RANBP2: variants seen among roughly 807,000 people sequenced by gnomAD.
The protein encoded by RANBP2 is RAN binding protein 2.
A neutral mutation model predicts 303.6 loss-of-function variants in RANBP2; 57 were observed. That is an observed-to-expected ratio of 0.19 (90% confidence interval 0.15 to 0.23). The LOEUF (loss-of-function observed/expected upper bound fraction) is 0.23, where lower values mean the gene tolerates loss of function less well. Ranked by LOEUF, RANBP2 falls within the 10% of genes least tolerant of loss-of-function variation. RANBP2 has a pLI of 1.00. For missense variants in RANBP2, 3,138 were observed against 3,780.8 expected (o/e 0.83, Z 4.46); for synonymous variants, 1,167 against 1,301.5 (o/e 0.90, Z 2.23).
the RANBP2 span, chr2:109,449,627 C>A: frequency 3.4e-6 from 4 of 1,169,960 alleles, no homozygotes; most frequent in Non-Finnish European, 4.7e-6. Context: ...ATGAACCAGG[C>A]GTGTGACAGA....
chr2:109,069,761 A>G, the RANBP2 span, among the ~76,000 whole-genome samples: 1 of 152,034 alleles, frequency 6.6e-6, no homozygotes, highest in Non-Finnish European at 1.5e-5. Context: ...TGGAGTCATT[A>G]CTCTTTCCCT....
the RANBP2 span, among the ~76,000 whole-genome samples, chr2:109,600,992 G>A: frequency 3.3e-5 from 5 of 152,248 alleles, no homozygotes; most frequent in Non-Finnish European, 7.4e-5. Flanking sequence ...TGTCCCCATG[G>A]AGGAGGGTAT....
the RANBP2 span, among the ~76,000 whole-genome samples, chr2:109,325,119 A>G: frequency 6.6e-6 from 1 of 152,066 alleles, no homozygotes; most frequent in African/African-American, 2.4e-5. Context: ...GAGGTCAGGG[A>G]GGGGTCCCTT....
At chr2:109,286,082 C>T in the RANBP2 span, among the ~76,000 whole-genome samples, 1 of 152,176 alleles carries the variant, frequency 6.6e-6, no homozygotes, top group Admixed American at 6.5e-5. Context: ...CATTCAGGTG[C>T]CTATCATTAC....
the RANBP2 span, among the ~76,000 whole-genome samples, chr2:109,623,051 C>T: frequency 6.6e-6 from 1 of 152,170 alleles, no homozygotes; most frequent in Non-Finnish European, 1.5e-5. Context: ...CACTTGAACC[C>T]AGGAGGCAGA....
the RANBP2 span, chr2:108,794,389 T>G: frequency 1.5e-6 from 1 of 687,404 alleles, no homozygotes; most frequent in African/African-American, 1.8e-5. Context: ...TGTTACCACT[T>G]TACCATATTT....
At chr2:109,660,484 A>G in the RANBP2 span, among the ~76,000 whole-genome samples, 4 of 152,148 alleles carry the variant, frequency 2.6e-5, no homozygotes, top group African/African-American at 9.7e-5. Flanking sequence ...GTTTTGTCCA[A>G]TTTGCTCAAA....
the RANBP2 span, among the ~76,000 whole-genome samples, chr2:108,851,675 C>G: frequency 6.6e-6 from 1 of 152,130 alleles, no homozygotes; most frequent in Non-Finnish European, 1.5e-5. Context: ...TGGACTCTCT[C>G]TGGGGAGGAT....
intron 24 of RANBP2, among the ~76,000 whole-genome samples, chr2:108,776,460 G>A (rs1160720916): frequency 2.0e-5 from 3 of 152,082 alleles, no homozygotes; most frequent in African/African-American, 7.2e-5. Context: ...TTTTGGGGAT[G>A]GAAGTGGGAA....
the RANBP2 span, among the ~76,000 whole-genome samples, chr2:109,217,305 G>GA: frequency 0.018 from 2,810 of 152,284 alleles, 105 homozygotes; most frequent in African/African-American, 0.063. Flanking sequence ...AGAGTCCTTG[G>GA]AGAACCTTGG....
the RANBP2 span, among the ~76,000 whole-genome samples, chr2:109,160,138 G>A: frequency 6.6e-6 from 1 of 152,104 alleles, no homozygotes; most frequent in East Asian, 1.9e-4. Context: ...GTCAGACCTG[G>A]GCCAGGATCT....
At chr2:109,351,414 C>G in the RANBP2 span, among the ~76,000 whole-genome samples, 1 of 152,178 alleles carries the variant, frequency 6.6e-6, no homozygotes, top group Non-Finnish European at 1.5e-5. Context: ...ATTGTGGAGC[C>G]TAGGGCTGGG....
At chr2:109,578,676 G>T in the RANBP2 span, among the ~76,000 whole-genome samples, 2 of 151,968 alleles carry the variant, frequency 1.3e-5, no homozygotes, top group Non-Finnish European at 2.9e-5. Flanking sequence ...CTGAGGCCAG[G>T]GAATCGCTTG....
At chr2:109,474,398 C>A in the RANBP2 span, among the ~76,000 whole-genome samples, 2 of 152,280 alleles carry the variant, frequency 1.3e-5, no homozygotes, top group Admixed American at 1.3e-4. Flanking sequence ...CAAAGCTCTC[C>A]CCCTAACAGA....
the RANBP2 span, among the ~76,000 whole-genome samples, chr2:109,715,126 C>T: frequency 1.3e-5 from 2 of 151,896 alleles, no homozygotes; most frequent in African/African-American, 4.8e-5. Flanking sequence ...TGCTACCACA[C>T]CCAGCTAATT....
downstream of RANBP2, chr2:108,786,723 G>T (rs1048870104): frequency 8.8e-7 from 1 of 1,138,758 alleles, no homozygotes; most frequent in East Asian, 2.6e-5. Context: ...GCGTGCCTCG[G>T]GGGGGCGGGG....
At chr2:108,926,310 C>A in the RANBP2 span, among the ~76,000 whole-genome samples, 1 of 152,152 alleles carries the variant, frequency 6.6e-6, no homozygotes, top group East Asian at 1.9e-4. Context: ...GCCCCCCAAC[C>A]CCTGTTCTAC....
the RANBP2 span, among the ~76,000 whole-genome samples, chr2:109,275,465 C>T: frequency 2.3e-3 from 357 of 152,302 alleles, 1 homozygote; most frequent in African/African-American, 8.2e-3. Context: ...GCCAAGGCAG[C>T]AGCTTAATCA....
the RANBP2 span, among the ~76,000 whole-genome samples, chr2:108,921,444 A>T: frequency 6.6e-6 from 1 of 152,192 alleles, no homozygotes; most frequent in African/African-American, 2.4e-5. Context: ...GGCCCAGGTA[A>T]ATCAAGAAAA....
Sources: gnomAD v4.1 joint callset for allele counts (sites outside exome capture counted in the v4.1 genomes callset) on GRCh38, gnomAD v4.1.1 for gene constraint, MANE v1.5 for transcripts, NCBI Gene and HGNC (gene_info 2026-07-23, HGNC 2026-07-21) for gene names.